Variants in ATP6V0A4 observed in about 807,000 individuals in gnomAD.
ATP6V0A4 encodes the protein V-type proton ATPase 116 kDa subunit a 4.
A neutral mutation model predicts 107.3 loss-of-function variants in ATP6V0A4; 86 were observed. That is an observed-to-expected ratio of 0.80 (90% confidence interval 0.67 to 0.96). The LOEUF (loss-of-function observed/expected upper bound fraction) is 0.96, where lower values mean the gene tolerates loss of function less well. Ranked by LOEUF, ATP6V0A4 falls within the 40% of genes least tolerant of loss-of-function variation. The pLI is 0.00. For missense variants in ATP6V0A4, 908 were observed against 1,045.6 expected (o/e 0.87, Z 1.81); for synonymous variants, 353 against 381.4 (o/e 0.93, Z 0.87).
chr7:138,759,668 C>A, intron 8 of ATP6V0A4, 84 bp downstream of exon 8: 2 of 1,419,180 alleles, frequency 1.4e-6, no homozygotes, highest in East Asian at 2.3e-5. Context: ...AACTAAAGAT[C>A]CCCCATGTTT....
intron 7 of ATP6V0A4, 115 bp downstream of exon 7, chr7:138,762,225 G>T: frequency 7.5e-7 from 1 of 1,334,186 alleles, no homozygotes; most frequent in Non-Finnish European, 1.1e-6. Context: ...CAGAGGCTTT[G>T]CATCCATGGG....
intron 2 of ATP6V0A4, among the ~76,000 whole-genome samples, chr7:138,779,038 G>A (rs957822375): frequency 5.9e-5 from 9 of 152,142 alleles, no homozygotes; most frequent in African/African-American, 1.9e-4. Context: ...TACAGCACCA[G>A]TAATCAAGAC....
At chr7:138,771,400 CTTTT>C in intron 2 of ATP6V0A4, 136 bp from the exon 3 acceptor site, 117 of 660,870 alleles carry the variant, frequency 1.8e-4, no homozygotes, top group Middle Eastern at 5.1e-4. Flanking sequence ...TTTTAGGAGA[CTTTT>C]TTTTTTTTTT....
chr7:138,733,819 C>T (rs1342539592), intron 16 of ATP6V0A4, among the ~76,000 whole-genome samples: 1 of 152,042 alleles, frequency 6.6e-6, no homozygotes, highest in Admixed American at 6.6e-5. Context: ...CTCAGGTGAT[C>T]CACCTGTCGG....
chr7:138,721,906 A>G lies in ATP6V0A4; in HGVS notation c.2130T>C (p.His710=), dbSNP rs750775719. Residue 710 remains histidine, a synonymous_variant, in exon 19 of 22, where the codon CAT becomes CAC. Coordinates refer to ENST00000310018, the MANE Select transcript of ATP6V0A4 (RefSeq NM_020632.3). The part of the protein sequence containing the change: ...SADTHGALDD[H]GEEFNFGDVF... ...CTCTCGTCCCAGATACCTCTTCTCC[A>G]TGGTCGTCCAGAGCCCCGTGGGTAT... 1 of 1,613,846 alleles carries G rather than the reference A, an allele frequency of 6.2e-7. No individual in the cohort carries two copies. Among genetic ancestry groups the G allele is most frequent in the East Asian group, 2.2e-5 (1 of 44,868 alleles).
chr7:138,767,926 TTTTG>T (rs887298895), intron 5 of ATP6V0A4, among the ~76,000 whole-genome samples: 30 of 152,162 alleles, frequency 2.0e-4, no homozygotes, highest in African/African-American at 3.1e-4. Flanking sequence ...TCAGTGGTTT[TTTTG>T]TTTGTTTGTT....
intron 15 of ATP6V0A4, among the ~76,000 whole-genome samples, chr7:138,735,238 GC>G (rs1378436286): frequency 6.6e-6 from 1 of 152,140 alleles, no homozygotes; most frequent in African/African-American, 2.4e-5. Context: ...AATCTCGGCA[GC>G]CCCATGGTCT....
At position 138,752,789 on chromosome 7, in the gene ATP6V0A4, C is replaced by A; in HGVS notation, c.865G>T (p.Ala289Ser). 3 of 1,614,152 alleles carry A rather than the reference C, an allele frequency of 1.9e-6. No homozygotes were observed. The South Asian group carries it at 3.3e-5, about 18-fold the overall frequency. Residue 289 changes from alanine (A) to serine (S), a missense_variant, in exon 11 of 22, where the codon GCT becomes TCT. Coordinates refer to ENST00000310018, the MANE Select transcript of ATP6V0A4 (RefSeq NM_020632.3). The stretch of plus-strand genomic sequence containing the variant: ...ATGAGCCAGGAGTGCCAGTTGGCAG[C>A]GGCTTCCTGCAGCAGGCGCTGGCGG... ...SHRQRLLQEA[A>S]ANWHSWLIKV...
At chr7:138,748,953 A>G (rs760993173) in intron 12 of ATP6V0A4, among the ~76,000 whole-genome samples, 1 of 152,222 alleles carries the variant, frequency 6.6e-6, no homozygotes, top group African/African-American at 2.4e-5. Context: ...CGGCATTTAT[A>G]GACGACACCA....
chr7:138,707,331 TTTATAATATATATA>T (rs1457942024), intron 21 of ATP6V0A4, among the ~76,000 whole-genome samples: 2 of 101,104 alleles, frequency 2.0e-5, no homozygotes, highest in African/African-American at 4.1e-5. Context: ...TATATTTATA[TTTATAATATATATA>T]TTATAATATA....
intron 2 of ATP6V0A4, chr7:138,774,145 G>A (rs1475877643): frequency 6.6e-6 from 1 of 152,244 alleles, no homozygotes; most frequent in Non-Finnish European, 1.5e-5. Flanking sequence ...TTCCCAGCAG[G>A]AAGCATTCAT....
Position 138,732,896 on chromosome 7 carries a change from G to A in ATP6V0A4, c.1889C>T (p.Ala630Val). The A allele has an allele frequency of 6.2e-7, 1 of 1,612,634 alleles. No individual in the cohort carries two copies. The highest frequency in any genetic ancestry group is 1.1e-5 in the South Asian group (1 of 90,940). Residue 630 changes from alanine (A) to valine (V), a missense_variant, in exon 17 of 22, where the codon GCA becomes GTA. By Grantham distance (64) the Ala-to-Val change is moderately conservative. Coordinates refer to ENST00000310018, the MANE Select transcript of ATP6V0A4 (RefSeq NM_020632.3). ...FLFNYSDSSN[A>V]PLYKHQQEVQ... ...AAATACCTGATGTTTGTAGAGGGGT[G>A]CGTTGGAAGAGTCACTGTAGTTAAA...
chr7:138,762,781 G>T, intron 6 of ATP6V0A4, 119 bp downstream of exon 6: 2 of 1,231,074 alleles, frequency 1.6e-6, no homozygotes, highest in Non-Finnish European at 2.4e-6. Flanking sequence ...CTCACCAATG[G>T]CCTAGCCATG....
At chr7:138,769,442 G>A (rs1807267913) in intron 3 of ATP6V0A4, 191 bp from the exon 4 acceptor site, 2 of 514,516 alleles carry the variant, frequency 3.9e-6, no homozygotes, top group African/African-American at 2.1e-5. Context: ...AGCCTCCCAA[G>A]TAACTGGGAT....
chr7:138,756,119 T>C, intron 9 of ATP6V0A4: 2 of 518,552 alleles, frequency 3.9e-6, no homozygotes, highest in Non-Finnish European at 3.4e-6. Flanking sequence ...TCATTTCTGC[T>C]TCTATGGAGC....
At chr7:138,710,192 A>ATTTC (rs1554387054) in intron 20 of ATP6V0A4, among the ~76,000 whole-genome samples, 40 of 135,270 alleles carry the variant, frequency 3.0e-4, no homozygotes, top group Non-Finnish European at 1.6e-4. Context: ...CTGTCTGTTA[A>ATTTC]TTTTTTTTTT....
chr7:138,742,369 G>A (rs568529729), intron 14 of ATP6V0A4, among the ~76,000 whole-genome samples: 1 of 152,288 alleles, frequency 6.6e-6, no homozygotes, highest in South Asian at 2.1e-4. Flanking sequence ...AGACGTTGCA[G>A]TGAGCCAAAA....
At chr7:138,793,056 G>A (rs1296340067) in intron 1 of ATP6V0A4, among the ~76,000 whole-genome samples, 4 of 152,144 alleles carry the variant, frequency 2.6e-5, no homozygotes, top group Admixed American at 6.5e-5. Flanking sequence ...CACTTTGGGA[G>A]GCTGAGACGG....
intron 11 of ATP6V0A4, 81 bp downstream of exon 11, chr7:138,752,544 G>A (rs1806285447): frequency 6.4e-7 from 1 of 1,550,670 alleles, no homozygotes. Flanking sequence ...GAGTTCATGT[G>A]GCCCATGAGG....
Sources: gnomAD v4.1 joint callset for allele counts (sites outside exome capture counted in the v4.1 genomes callset) on GRCh38, gnomAD v4.1.1 for gene constraint, MANE v1.5 for transcripts, NCBI Gene and HGNC (gene_info 2026-07-23, HGNC 2026-07-21) for gene names.